The following PRRC2A variants were observed in gnomAD, a reference collection of about 807,000 sequenced individuals.
The protein encoded by PRRC2A is protein PRRC2A.
PRRC2A carries 59 observed loss-of-function variants against 224.6 expected under a neutral mutation model. The ratio of observed to expected loss-of-function variants is 0.26; its 90% CI spans 0.21 to 0.33. The LOEUF is 0.33. Among genes scored for constraint, PRRC2A ranks in the 10% least tolerant of loss-of-function variants. PRRC2A has a pLI of 1.00. For missense variants in PRRC2A, 3,095 were observed against 2,880.7 expected, an observed-to-expected ratio of 1.07 and a Z score of -1.70; for synonymous variants, 1,194 against 1,109.5, an observed-to-expected ratio of 1.08 and a Z score of -1.51.
intron 13 of PRRC2A, 22 bp from the exon 14 acceptor site, chr6:31,629,526 C>G (rs538448128): frequency 1.3e-6 from 2 of 1,489,380 alleles, no homozygotes; most frequent in Non-Finnish European, 1.9e-6. Flanking sequence ...CCTCTCTCAT[C>G]TTGTCTTTCC....
chr6:31,624,611 C>T, intron 5 of PRRC2A, 89 bp downstream of exon 5: 1 of 1,418,572 alleles, frequency 7.0e-7, no homozygotes, highest in Admixed American at 1.8e-5. Context: ...TGACCTTGGT[C>T]CTCTTTGGCT....
chr6:31,625,578 G>C lies in PRRC2A; in HGVS notation c.726G>C (p.Gln242His), dbSNP rs151316119. The change falls in exon 7 of 31, where the codon CAG becomes CAC. Residue 242 changes from glutamine to histidine, a missense_variant. This residue lies in a region of PRRC2A where 287 missense variants were observed against 275.3 expected (regional missense o/e 1.04). Transcript: ENST00000376033. This position sits in a 1 kb window ranked among gnomAD's most constrained non-coding sequence, Gnocchi z 4.1. ...GGCTACAGCCTTCAGGCCCACCCCA[G>C]TTCCCTCCCTACCGCGGAATGATGC... ...RGGLQPSGPP[Q>H]FPPYRGMMPP... The C allele has an allele frequency of 6.4e-7, 1 of 1,570,782 alleles. No individual in the cohort carries two copies. The highest frequency in any genetic ancestry group is 1.2e-5 in the South Asian group (1 of 83,588).
At chr6:31,624,686 T>C (rs1294583846) in intron 5 of PRRC2A, among the ~76,000 whole-genome samples, 164 bp downstream of exon 5, 1 of 152,220 alleles carries the variant, frequency 6.6e-6, no homozygotes, top group East Asian at 1.9e-4. Context: ...CTCAGTCTTA[T>C]ATGATGGAGT....
chr6:31,630,700 G>T lies in PRRC2A; in HGVS notation c.2364G>T (p.Lys788Asn). Residue 788 changes from lysine to asparagine, a missense_variant, in exon 15 of 31, where the codon AAG (lysine) becomes AAT (asparagine). Coordinates refer to ENST00000376033, the MANE Select transcript of PRRC2A (RefSeq NM_004638.4). ...RERGTPPVDP[K>N]LAWVGDVFTA... ...GGGGCACTCCACCGGTGGATCCAAA[G>T]TTGGCCTGGGTAGGAGATGTCTTCA... 2 of 1,614,150 alleles carry T rather than the reference G, an allele frequency of 1.2e-6. No homozygotes were observed. The highest frequency in any genetic ancestry group is 2.7e-5 in the African/African-American group (2 of 75,006).
At position 31,630,791 on chromosome 6, in the gene PRRC2A, A is replaced by G; in HGVS notation, c.2455A>G (p.Lys819Glu). 1 of 1,614,072 alleles carries G rather than the reference A, an allele frequency of 6.2e-7. No homozygotes were observed. The highest frequency in any genetic ancestry group is 8.5e-7 in the Non-Finnish European group (1 of 1,179,984). The change falls in exon 15 of 31, where the codon AAG becomes GAG. Residue 819 changes from lysine to glutamate, a missense_variant. Coordinates refer to ENST00000376033, the MANE Select transcript of PRRC2A (RefSeq NM_004638.4). ...GCGCCAGGCTGCGGATGAGGATGAC[A>G]AGGGGATGAGGTGAGTCTTGGTCAT... Reference protein sequence around the residue: ...PLRQAADEDDKGMRSETPPVP... With the variant: ...PLRQAADEDDEGMRSETPPVP...
Position 31,625,434 on chromosome 6 carries a change from C to T in PRRC2A, c.608-26C>T. 1 of 1,604,682 alleles carries T rather than the reference C, an allele frequency of 6.2e-7. No individual in the cohort carries two copies. Among genetic ancestry groups the T allele is most frequent in the Non-Finnish European group, 8.5e-7 (1 of 1,172,088 alleles). ...TCACTTGTCCTCCAATCATTGATAC[C>T]TCTCTCTACCTTTTCCAAAATACAG... On this transcript the variant is annotated intron_variant, in intron 6 of 30. Transcript: ENST00000376033. This position sits in a 1 kb window ranked among gnomAD's most constrained non-coding sequence, Gnocchi z 4.1.
chr6:31,637,294 C>T lies in PRRC2A; in HGVS notation c.6303C>T (p.Phe2101=), dbSNP rs1438798907. ...CGCCTTCCACCTACAGTGGAGTCTT[C>T]CGCACCCAGCGCGTCGACCTTTACC... The part of the protein sequence containing the change: ...KATPSTYSGV[F]RTQRVDLYQQ... Residue 2101 remains phenylalanine (F), a synonymous_variant, in exon 30 of 31, where the codon TTC becomes TTT. Transcript: ENST00000376033. The T allele has an allele frequency of 1.2e-6, 2 of 1,612,582 alleles. No individual in the cohort carries two copies. Among genetic ancestry groups the T allele is most frequent in the South Asian group, 1.1e-5 (1 of 91,074 alleles).
At chr6:31,626,726 T>C in intron 9 of PRRC2A, 46 bp from the exon 10 acceptor site, 3 of 1,507,926 alleles carry the variant, frequency 2.0e-6, no homozygotes, top group Non-Finnish European at 2.7e-6. Flanking sequence ...CTCCCAAGAT[T>C]GGAGGGCAGA....
chr6:31,628,656 A>T (rs1179108909), intron 12 of PRRC2A: 2 of 231,738 alleles, frequency 8.6e-6, no homozygotes, highest in Non-Finnish European at 1.7e-5. Context: ...AGCCTGGCCA[A>T]CATAGTGAAA....
chr6:31,628,915 A>G, intron 12 of PRRC2A: 1 of 535,702 alleles, frequency 1.9e-6, no homozygotes, highest in Non-Finnish European at 3.3e-6. Context: ...GACTGAAGAA[A>G]GTACTGTTGT....
In PRRC2A at chr6:31,633,895, G is replaced by C; in HGVS notation, c.4625G>C (p.Gly1542Ala). ...HFEEPGPMVR[G>A]VGGTPRDSAG... is the part of the protein sequence containing the mutation. ...GAGGAGCCGGGGCCAATGGTGAGAG[G>C]GGTGGGTGGGACTCCTCGGGACTCT... Residue 1542 changes from glycine (G) to alanine (A), a missense_variant, in exon 18 of 31, where the codon GGG becomes GCG. Around this residue, in one of 8 missense-constraint regions of PRRC2A, gnomAD observed 2,001 missense variants for 1,764.9 expected, o/e 1.13. Transcript: ENST00000376033. 6.3e-7 allele frequency: 1 copy of C among 1,581,912 alleles called. No homozygotes were observed. The highest frequency in any genetic ancestry group is 8.5e-7 in the Non-Finnish European group (1 of 1,172,262).
intron 24 of PRRC2A, 64 bp from the exon 25 acceptor site, chr6:31,635,903 G>A: frequency 6.7e-7 from 1 of 1,489,906 alleles, no homozygotes; most frequent in Non-Finnish European, 9.1e-7. Context: ...CTATGGGTGG[G>A]ATGGTGATCT....
chr6:31,633,321 CTT>C, intron 16 of PRRC2A, 56 bp from the exon 17 acceptor site: 1 of 1,567,194 alleles, frequency 6.4e-7, no homozygotes, highest in Middle Eastern at 1.7e-4. Context: ...GGAAACATAA[CTT>C]GTGGGAAAAA....
intron 14 of PRRC2A, 129 bp from the exon 15 acceptor site, chr6:31,630,462 C>T (rs1262456913): frequency 2.5e-6 from 2 of 808,566 alleles, no homozygotes; most frequent in East Asian, 2.7e-5. Flanking sequence ...TATATAAGAG[C>T]AGGCAAGGCC....
Position 31,631,163 on chromosome 6 carries a change from C to A in PRRC2A, c.2490C>A (p.Pro830=). Residue 830 remains proline (P), a synonymous_variant, in exon 16 of 31, where the codon CCC becomes CCA. Coordinates refer to ENST00000376033, the MANE Select transcript of PRRC2A (RefSeq NM_004638.4). This position sits in a 1 kb window ranked among gnomAD's most constrained non-coding sequence, Gnocchi z 4.5. ...GMRSETPPVP[P]PPPYLASYPG... is the part of the protein sequence containing the mutation. ...GGAGCGAGACTCCTCCAGTACCTCCCCCACCACCCTATCTGGCCAGTTATC... is the reference window on the plus strand; with the variant it reads ...GGAGCGAGACTCCTCCAGTACCTCCACCACCACCCTATCTGGCCAGTTATC... 1 of 1,544,186 alleles carries A rather than the reference C, an allele frequency of 6.5e-7. No individual in the cohort carries two copies. The highest frequency in any genetic ancestry group is 8.7e-7 in the Non-Finnish European group (1 of 1,145,050).
Position 31,625,431 on chromosome 6 carries a change from T to TA in PRRC2A, c.608-28dup. On this transcript the variant is annotated intron_variant, in intron 6 of 30. Coordinates refer to ENST00000376033, the MANE Select transcript of PRRC2A (RefSeq NM_004638.4). The surrounding 1 kb of genome is among the most constrained non-coding windows in gnomAD (Gnocchi z 4.1). ...TGTTCACTTGTCCTCCAATCATTGA[T>TA]ACCTCTCTCTACCTTTTCCAAAATA... is the stretch of plus-strand genomic sequence containing the variant. 1.2e-6 allele frequency: 2 copies of TA among 1,604,112 alleles called. No individual in the cohort carries two copies. The highest frequency in any genetic ancestry group is 1.7e-6 in the Non-Finnish European group (2 of 1,171,520).
chr6:31,629,454 C>A, intron 13 of PRRC2A, 94 bp from the exon 14 acceptor site: 1 of 1,433,746 alleles, frequency 7.0e-7, no homozygotes, highest in Non-Finnish European at 9.7e-7. Flanking sequence ...TCCATTGTCA[C>A]GCCAATTTCC....
chr6:31,626,939 T>G (rs781757884), intron 10 of PRRC2A, 43 bp from the exon 11 acceptor site: 1 of 1,612,948 alleles, frequency 6.2e-7, no homozygotes, highest in Admixed American at 1.7e-5. Context: ...GAGGAGTATA[T>G]TAGTTGCAGC....
rs60734487 is a variant in PRRC2A at position 31,633,155 on chromosome 6, G to A, written c.4319+163G>A. On this transcript the variant is annotated intron_variant, in intron 16 of 30. Transcript: ENST00000376033. ...TGTCTGGCTAAGGCAACTGGAAAGC[G>A]GTTGGTAGGGTGTTAGAGTCAAGAA... Among the ~76,000 whole-genome samples, 181 of 152,276 alleles carry A rather than the reference G, an allele frequency of 1.2e-3. 1 individual carries two copies. The highest frequency in any genetic ancestry group is 4.2e-3 in the African/African-American group (175 of 41,538).
Sources: allele counts gnomAD v4.1 joint callset (sites outside exome capture counted in the v4.1 genomes callset), GRCh38; gene constraint gnomAD v4.1.1; regional missense constraint gnomAD v4.1.1; non-coding constraint Gnocchi (gnomAD v3.1); transcripts MANE v1.5; gene names NCBI Gene and HGNC (gene_info 2026-07-23, HGNC 2026-07-21).